Variants in AKAP13 observed in about 807,000 individuals in gnomAD.
AKAP13 encodes the protein A-kinase anchoring protein 13.
A neutral mutation model predicts 264.5 loss-of-function variants in AKAP13; 80 were observed. That is an observed-to-expected ratio of 0.30 (90% CI 0.25 to 0.36). The LOEUF is 0.36. AKAP13 is among the 10% of genes least tolerant of loss of function. The pLI, the probability that AKAP13 is intolerant of heterozygous loss-of-function variation, is 1.00. For synonymous variants in AKAP13, 1,380 were observed against 1,250.2 expected (o/e 1.10, Z -2.19); for missense variants, 3,712 against 3,435.2 (o/e 1.08, Z -2.01).
intron 8 of AKAP13, among the ~76,000 whole-genome samples, chr15:85,610,422 T>A (rs1184765545): frequency 1.3e-5 from 2 of 152,228 alleles, no homozygotes; most frequent in Non-Finnish European, 2.9e-5. Context: ...AAGTGTTCTA[T>A]TTTGGTTTCT....
intron 17 of AKAP13, among the ~76,000 whole-genome samples, chr15:85,707,802 A>G (rs910232362): frequency 1.4e-4 from 12 of 87,072 alleles, no homozygotes; most frequent in Middle Eastern, 4.6e-3. Flanking sequence ...ACAAACACCG[A>G]AAAAAAAAAA....
intron 1 of AKAP13, among the ~76,000 whole-genome samples, chr15:85,473,464 C>T (rs2075040521): frequency 2.0e-5 from 3 of 152,184 alleles, no homozygotes; most frequent in Admixed American, 2.0e-4. Flanking sequence ...ATAAACCCTC[C>T]AGAGAATGCT....
At chr15:85,466,173 G>A (rs1463190896) in intron 1 of AKAP13, among the ~76,000 whole-genome samples, 1 of 150,036 alleles carries the variant, frequency 6.7e-6, no homozygotes, top group East Asian at 2.0e-4. Context: ...GTCTGTTCAT[G>A]TCCTTTGCCC....
chr15:85,729,851 G>A (rs765206320), intron 29 of AKAP13, among the ~76,000 whole-genome samples: 4 of 152,164 alleles, frequency 2.6e-5, no homozygotes, highest in Non-Finnish European at 5.9e-5. Context: ...CAGGAGAATC[G>A]CTTAATCACT....
intron 31 of AKAP13, 132 bp downstream of exon 31, chr15:85,735,282 C>A: frequency 2.4e-6 from 3 of 1,247,944 alleles, no homozygotes; most frequent in Non-Finnish European, 2.2e-6. Flanking sequence ...TCAAGACACT[C>A]AAGAGCTTGT....
In AKAP13 at chr15:85,521,587, A is replaced by G; in HGVS notation, c.181+12A>G. The G allele has an allele frequency of 1.2e-6, 2 of 1,613,136 alleles. No homozygotes were observed. The highest frequency in any genetic ancestry group is 4.5e-5 in the East Asian group (2 of 44,852). On this transcript the variant is annotated intron_variant, in intron 3 of 36. Coordinates refer to ENST00000394518, the MANE Select transcript of AKAP13 (RefSeq NM_007200.5). ...GACCATTGCTCCTGGTAAGTATTTG[A>G]ATGGGATCCTTACTAGCTTTTCCTA...
chr15:85,534,206 TTGG>T, intron 4 of AKAP13: 1 of 366,004 alleles, frequency 2.7e-6, no homozygotes, highest in Non-Finnish European at 4.9e-6. Flanking sequence ...GAGTTACTTT[TTGG>T]TGTTTAATGA....
chr15:85,598,670 G>A (rs58513080), intron 8 of AKAP13, among the ~76,000 whole-genome samples: 9,507 of 152,148 alleles, frequency 0.062, 963 homozygotes, highest in African/African-American at 0.22. Flanking sequence ...AAATAAGACA[G>A]ATTTCATCCC....
At chr15:85,548,245 T>A (rs1326236114) in intron 5 of AKAP13, among the ~76,000 whole-genome samples, 1 of 152,210 alleles carries the variant, frequency 6.6e-6, no homozygotes, top group Admixed American at 6.5e-5. Flanking sequence ...TTGCAAACTT[T>A]CCTTGCTAAG....
At chr15:85,557,490 G>T (rs938727363) in intron 5 of AKAP13, among the ~76,000 whole-genome samples, 3 of 151,438 alleles carry the variant, frequency 2.0e-5, no homozygotes, top group African/African-American at 7.3e-5. Flanking sequence ...TTTGTGTTTT[G>T]TTGTTTGTTT....
intron 10 of AKAP13, chr15:85,651,734 TC>T (rs2082860819): frequency 6.6e-6 from 1 of 152,218 alleles, no homozygotes; most frequent in African/African-American, 2.4e-5. Flanking sequence ...CTCTTCTCAG[TC>T]GGTCTCCATT....
intron 3 of AKAP13, among the ~76,000 whole-genome samples, chr15:85,530,508 C>G (rs1235784855): frequency 3.9e-5 from 6 of 152,148 alleles, no homozygotes; most frequent in Non-Finnish European, 8.8e-5. Flanking sequence ...ATAGTGTAAT[C>G]TCTCTTCTAA....
intron 8 of AKAP13, 117 bp downstream of exon 8, chr15:85,585,940 C>T (rs1193744170): frequency 2.2e-6 from 3 of 1,347,124 alleles, no homozygotes; most frequent in East Asian, 2.4e-5. Context: ...TATTTTCCCC[C>T]TTCCCTCTTG....
At chr15:85,735,248 A>C (rs16943741) in intron 31 of AKAP13, 98 bp downstream of exon 31, 1 of 1,472,548 alleles carries the variant, frequency 6.8e-7, no homozygotes, top group Middle Eastern at 2.4e-4. Flanking sequence ...ACCGCTCCCA[A>C]TCAGCAAATT....
chr15:85,714,190 G>T (rs958197257), intron 19 of AKAP13, among the ~76,000 whole-genome samples: 4 of 152,124 alleles, frequency 2.6e-5, no homozygotes, highest in African/African-American at 9.7e-5. Context: ...AGGAAAAAAT[G>T]TTATTTTAAA....
chr15:85,716,294 G>A (rs1305311166), intron 20 of AKAP13, among the ~76,000 whole-genome samples: 4 of 152,176 alleles, frequency 2.6e-5, no homozygotes, highest in Non-Finnish European at 5.9e-5. Context: ...ATGCTTTTCT[G>A]TTGTTCAAGT....
intron 17 of AKAP13, among the ~76,000 whole-genome samples, 194 bp from the exon 18 acceptor site, chr15:85,707,825 C>T (rs112183448): frequency 1.4e-4 from 22 of 152,084 alleles, no homozygotes; most frequent in African/African-American, 5.1e-4. Context: ...CACATCTGCT[C>T]GTGTTTTTCC....
chr15:85,716,459 G>A (rs2086952313), intron 20 of AKAP13, among the ~76,000 whole-genome samples: 1 of 152,188 alleles, frequency 6.6e-6, no homozygotes, highest in South Asian at 2.1e-4. Context: ...TCCTGGCCAG[G>A]CCTTGGCTGT....
rs1040333785 is a variant in AKAP13 at position 85,745,216 on chromosome 15, A to G, written c.*539A>G. ...GCCTGGACGGACCCGGAGCCCCCGCATATCAGCAGTTCACCCAGTACTCCT... is the reference window on the plus strand; with the variant it reads ...GCCTGGACGGACCCGGAGCCCCCGCGTATCAGCAGTTCACCCAGTACTCCT... On this transcript the variant is annotated 3_prime_UTR_variant, in exon 37 of 37. Transcript: ENST00000394518. The G allele has an allele frequency of 6.5e-6, 1 of 152,834 alleles. No homozygotes were observed. Among genetic ancestry groups the G allele is most frequent in the East Asian group, 1.9e-4 (1 of 5,198 alleles). 9.5% of individuals were successfully genotyped at this position (152,834 alleles called of 1,614,324 possible).
Sources: gnomAD v4.1 joint callset for allele counts (sites outside exome capture counted in the v4.1 genomes callset) on GRCh38, gnomAD v4.1.1 for gene constraint, MANE v1.5 for transcripts, NCBI Gene and HGNC (gene_info 2026-07-23, HGNC 2026-07-21) for gene names.